Variants in KIAA1328 observed in about 807,000 individuals in gnomAD.
KIAA1328 encodes protein hinderin.
Under a neutral mutation model 68.1 loss-of-function variants are expected in KIAA1328, and 52 were observed. The observed-to-expected ratio is 0.76, with a 90% CI of 0.61 to 0.96. KIAA1328 has a LOEUF of 0.96. KIAA1328 is among the 40% of genes least tolerant of loss of function. The pLI, the probability that KIAA1328 is intolerant of heterozygous loss-of-function variation, is 0.00. For synonymous variants in KIAA1328, 232 were observed against 239.4 expected (o/e 0.97, Z 0.28); for missense variants, 641 against 677.6 (o/e 0.95, Z 0.60).
At chr18:37,000,488 C>T (rs1244882437) in intron 6 of KIAA1328, among the ~76,000 whole-genome samples, 1 of 152,012 alleles carries the variant, frequency 6.6e-6, no homozygotes, top group African/African-American at 2.4e-5. Flanking sequence ...CTTAAACTGG[C>T]CTTTAGATCA....
chr18:37,227,428 C>T (rs2060645900), downstream of KIAA1328, among the ~76,000 whole-genome samples: 1 of 152,204 alleles, frequency 6.6e-6, no homozygotes, highest in Non-Finnish European at 1.5e-5. Context: ...GGCTTCAAAG[C>T]TTCAGAGGAC....
At chr18:37,144,793 G>C (rs1468916983) in intron 7 of KIAA1328, among the ~76,000 whole-genome samples, 2 of 152,106 alleles carry the variant, frequency 1.3e-5, no homozygotes, top group Non-Finnish European at 1.5e-5. Context: ...ACATCCCAAA[G>C]TGTGGGGATT....
chr18:37,154,883 C>T (rs2059120757), intron 7 of KIAA1328, among the ~76,000 whole-genome samples: 1 of 151,958 alleles, frequency 6.6e-6, no homozygotes, highest in Non-Finnish European at 1.5e-5. Flanking sequence ...CTTTTCAGTC[C>T]CTGTTGCCTC....
At chr18:36,990,959 A>C (rs2053153899) in intron 6 of KIAA1328, among the ~76,000 whole-genome samples, 1 of 152,182 alleles carries the variant, frequency 6.6e-6, no homozygotes, top group African/African-American at 2.4e-5. Context: ...TGTTTGTATA[A>C]ACAGTTAATT....
chr18:36,865,722 G>A lies in KIAA1328; in HGVS notation c.333-19835G>A, dbSNP rs78362862. Among the ~76,000 whole-genome samples the A allele has an allele frequency of 1.4e-3, 216 of 152,216 alleles. 2 individuals are homozygous for A. In the East Asian group the frequency reaches 0.034, roughly 24 times the overall value. On this transcript the variant is annotated intron_variant, in intron 4 of 9. Transcript: ENST00000280020. ...GATGGATGCCCTCTTCTCCCTGCTT[G>A]TGTTGCAGCACACCAGTTCAGGATA...
intron 6 of KIAA1328, among the ~76,000 whole-genome samples, chr18:37,011,801 G>A (rs1309242693): frequency 1.3e-5 from 2 of 152,136 alleles, no homozygotes; most frequent in African/African-American, 4.8e-5. Flanking sequence ...GCTGAAGTTG[G>A]AGGAGAGGTT....
intron 7 of KIAA1328, among the ~76,000 whole-genome samples, chr18:37,157,101 C>T (rs2059168969): frequency 6.6e-6 from 1 of 152,002 alleles, no homozygotes; most frequent in African/African-American, 2.4e-5. Flanking sequence ...GTAGGGTGAT[C>T]TAGTAACAAG....
rs1556844316 is a variant in KIAA1328, at chr18:36,973,830, T to TATACACACACACACAC, written c.576+14396_576+14397insTACACACACACACACA. Among the ~76,000 whole-genome samples, 25 of 147,384 alleles carry TATACACACACACACAC rather than the reference T, an allele frequency of 1.7e-4. No homozygotes were observed. The South Asian group carries it at 4.4e-3, about 26-fold the overall frequency. ...ACGCACATACACACACACACACACA[T>TATACACACACACACAC]ACACACACACACACACACACATATA... is the stretch of plus-strand genomic sequence containing the variant. On this transcript the variant is annotated intron_variant, in intron 6 of 9. Coordinates refer to ENST00000280020, the MANE Select transcript of KIAA1328 (RefSeq NM_020776.3).
intron 7 of KIAA1328, among the ~76,000 whole-genome samples, chr18:37,071,454 A>G (rs750713179): frequency 6.6e-6 from 1 of 152,150 alleles, no homozygotes; most frequent in Non-Finnish European, 1.5e-5. Flanking sequence ...CCAACTGTGG[A>G]TTGAAAATAG....
At chr18:37,057,925 C>A (rs1227838850) in intron 6 of KIAA1328, among the ~76,000 whole-genome samples, 3 of 152,118 alleles carry the variant, frequency 2.0e-5, no homozygotes, top group African/African-American at 7.2e-5. Flanking sequence ...AGTTTGCCGA[C>A]CTTGTCGTAG....
chr18:37,114,659 CA>C (rs2058047887), intron 7 of KIAA1328, among the ~76,000 whole-genome samples: 1 of 152,128 alleles, frequency 6.6e-6, no homozygotes, highest in African/African-American at 2.4e-5. Context: ...TAACTAAGAT[CA>C]GAGCAGAACT....
intron 5 of KIAA1328, among the ~76,000 whole-genome samples, chr18:36,901,016 T>G (rs2049019595): frequency 6.6e-6 from 1 of 152,076 alleles, no homozygotes; most frequent in Non-Finnish European, 1.5e-5. Context: ...ACTATATACC[T>G]GACTAGGTTT....
intron 5 of KIAA1328, among the ~76,000 whole-genome samples, chr18:36,887,728 GAGA>G (rs1023836667): frequency 5.9e-5 from 9 of 152,220 alleles, no homozygotes; most frequent in African/African-American, 2.2e-4. Flanking sequence ...GGCAGCACTG[GAGA>G]AGAAGACTGG....
At chr18:37,053,548 C>T (rs377589603) in intron 6 of KIAA1328, among the ~76,000 whole-genome samples, 17 of 152,112 alleles carry the variant, frequency 1.1e-4, no homozygotes, top group African/African-American at 4.1e-4. Context: ...AGTAAAAAGA[C>T]AGCCTTAAGA....
chr18:36,957,464 GCAAAGTTAGCTGA>G (rs1313904717), intron 5 of KIAA1328, among the ~76,000 whole-genome samples: 1 of 152,122 alleles, frequency 6.6e-6, no homozygotes, highest in Non-Finnish European at 1.5e-5. Flanking sequence ...GCACTGGTCT[GCAAAGTTAGCTGA>G]CATTTTCCAA....
At chr18:36,994,337 T>C (rs2053307001) in intron 6 of KIAA1328, among the ~76,000 whole-genome samples, 1 of 152,246 alleles carries the variant, frequency 6.6e-6, no homozygotes, top group Non-Finnish European at 1.5e-5. Context: ...ATTTGAAGTA[T>C]AAAGTATTGA....
chr18:37,014,528 G>T (rs955134713), intron 6 of KIAA1328, among the ~76,000 whole-genome samples: 1 of 152,138 alleles, frequency 6.6e-6, no homozygotes, highest in Non-Finnish European at 1.5e-5. Flanking sequence ...AAGAGTTTTA[G>T]TTGGCTTGCA....
intron 7 of KIAA1328, among the ~76,000 whole-genome samples, chr18:37,081,801 A>G (rs541424116): frequency 6.6e-6 from 1 of 152,278 alleles, no homozygotes; most frequent in East Asian, 1.9e-4. Flanking sequence ...CGATTTAAAT[A>G]TCTCTGTCCT....
chr18:37,037,770 A>T (rs1306149480), intron 6 of KIAA1328, among the ~76,000 whole-genome samples: 2 of 150,646 alleles, frequency 1.3e-5, no homozygotes, highest in East Asian at 3.9e-4. Context: ...ACCTGGCCAG[A>T]CCATGTTGTC....
Sources: allele counts gnomAD v4.1 joint callset (sites outside exome capture counted in the v4.1 genomes callset), GRCh38; gene constraint gnomAD v4.1.1; transcripts MANE v1.5; gene names NCBI Gene and HGNC (gene_info 2026-07-23, HGNC 2026-07-21).